Variants in EHBP1 observed in about 807,000 individuals in gnomAD.
EHBP1 encodes EH domain-binding protein 1.
Under a neutral mutation model 144.0 loss-of-function variants are expected in EHBP1, and 55 were observed. That is an observed-to-expected ratio of 0.38 (90% confidence interval 0.31 to 0.48). The LOEUF is 0.48. EHBP1 is among the 20% of genes least tolerant of loss of function. EHBP1 has a pLI of 0.98. For missense variants in EHBP1, 1,200 were observed against 1,364.2 expected, an observed-to-expected ratio of 0.88 and a Z score of 1.90; for synonymous variants, 469 against 472.7, an observed-to-expected ratio of 0.99 and a Z score of 0.10.
Position 62,858,531 on chromosome 2 carries a change from T to C in EHBP1, c.635-638T>C, listed in dbSNP as rs374548367. The C allele has an allele frequency of 6.0e-6, 9 of 1,508,782 alleles. No individual in the cohort carries two copies. In the South Asian group the frequency reaches 1.0e-4, roughly 17 times the overall value. 93.5% of individuals were successfully genotyped at this position (1,508,782 alleles called of 1,614,324 possible). A position where few individuals can be genotyped will look rare whatever the true frequency, so the allele number is the denominator to read the frequency against. On this transcript the variant is annotated intron_variant, in intron 7 of 22. Transcript: ENST00000431489. ...TGAAGGTCTAAGAGCTTTCCTCCTT[T>C]CTTTCTGCTTCTGATTGCCTGTATT...
intron 9 of EHBP1, among the ~76,000 whole-genome samples, chr2:62,865,536 T>A (rs973833155): frequency 1.3e-4 from 20 of 152,210 alleles, no homozygotes; most frequent in African/African-American, 4.8e-4. Flanking sequence ...GTTATACAGT[T>A]CATAGCCCAT....
chr2:62,942,969 T>C, intron 11 of EHBP1, 73 bp downstream of exon 11: 1 of 1,092,032 alleles, frequency 9.2e-7, no homozygotes. Flanking sequence ...TAAAATAATT[T>C]CTTAGCACAT....
intron 19 of EHBP1, among the ~76,000 whole-genome samples, chr2:63,029,451 G>A (rs961779477): frequency 1.3e-5 from 2 of 149,054 alleles, no homozygotes; most frequent in Non-Finnish European, 1.5e-5. Flanking sequence ...TAGATTATGC[G>A]GCCTTTGAGG....
chr2:62,679,137 A>G (rs969839647), intron 1 of EHBP1, among the ~76,000 whole-genome samples: 3 of 152,214 alleles, frequency 2.0e-5, no homozygotes, highest in Non-Finnish European at 4.4e-5. Context: ...TCTAAAACAA[A>G]TAGTGTCTTT....
chr2:62,683,397 C>T (rs962801527), intron 1 of EHBP1, among the ~76,000 whole-genome samples: 3 of 152,092 alleles, frequency 2.0e-5, no homozygotes, highest in African/African-American at 7.2e-5. Context: ...GCGGTGTCTC[C>T]GCCTGTAATC....
intron 2 of EHBP1, among the ~76,000 whole-genome samples, chr2:62,738,031 T>C (rs191778660): frequency 6.6e-6 from 1 of 152,256 alleles, no homozygotes; most frequent in Non-Finnish European, 1.5e-5. Context: ...TCTCAAGTTG[T>C]TGGGATTATA....
chr2:62,949,488 C>T (rs118159251), intron 13 of EHBP1, among the ~76,000 whole-genome samples: 2 of 152,114 alleles, frequency 1.3e-5, no homozygotes, highest in East Asian at 1.9e-4. Context: ...AATTTCAACA[C>T]TGAAGGATAT....
intron 14 of EHBP1, among the ~76,000 whole-genome samples, chr2:62,956,724 C>G (rs541341029): frequency 6.7e-6 from 1 of 149,180 alleles, no homozygotes; most frequent in East Asian, 2.0e-4. Flanking sequence ...GCAAAACTTA[C>G]TGGCAAAAAA....
At chr2:62,821,696 C>A (rs2045993815) in intron 5 of EHBP1, among the ~76,000 whole-genome samples, 1 of 152,006 alleles carries the variant, frequency 6.6e-6, no homozygotes, top group Non-Finnish European at 1.5e-5. Flanking sequence ...GCAACAACAG[C>A]AACAACATCA....
intron 1 of EHBP1, among the ~76,000 whole-genome samples, chr2:62,693,663 T>C (rs2033985037): frequency 6.6e-6 from 1 of 152,186 alleles, no homozygotes; most frequent in African/African-American, 2.4e-5. Context: ...CTTTGAAATA[T>C]ACTATAAATT....
chr2:62,820,662 G>A (rs577628879), intron 5 of EHBP1, among the ~76,000 whole-genome samples: 1 of 143,250 alleles, frequency 7.0e-6, no homozygotes, highest in East Asian at 2.0e-4. Context: ...CATCTATATT[G>A]TTGCATACGT....
intron 10 of EHBP1, among the ~76,000 whole-genome samples, chr2:62,885,112 AC>A (rs1011767105): frequency 6.6e-6 from 1 of 152,206 alleles, no homozygotes; most frequent in Non-Finnish European, 1.5e-5. Flanking sequence ...CTCAATGACA[AC>A]TGACTGCGGA....
At chr2:62,727,156 C>T (rs773224630) in intron 2 of EHBP1, among the ~76,000 whole-genome samples, 10 of 152,166 alleles carry the variant, frequency 6.6e-5, no homozygotes, top group South Asian at 2.1e-4. Context: ...CCACTGCGCC[C>T]GGCCTACAAG....
intron 3 of EHBP1, among the ~76,000 whole-genome samples, chr2:62,759,293 T>A (rs1268324794): frequency 3.3e-5 from 5 of 152,210 alleles, no homozygotes; most frequent in African/African-American, 1.2e-4. Flanking sequence ...AGGAGCCAAA[T>A]GGCTGTATGT....
chr2:62,742,690 A>T (rs2038828845), intron 2 of EHBP1, among the ~76,000 whole-genome samples: 1 of 152,080 alleles, frequency 6.6e-6, no homozygotes, highest in Non-Finnish European at 1.5e-5. Context: ...TATTTAAAAA[A>T]TTTTGCTCAG....
At chr2:62,939,779 C>T (rs1028511998) in intron 10 of EHBP1, 1 of 159,758 alleles carries the variant, frequency 6.3e-6, no homozygotes, top group Non-Finnish European at 1.4e-5. Context: ...AAGGTAGAAA[C>T]ATGTCTGCGA....
chr2:62,719,503 G>C (rs2036005458), intron 2 of EHBP1, among the ~76,000 whole-genome samples: 1 of 152,142 alleles, frequency 6.6e-6, no homozygotes, highest in Non-Finnish European at 1.5e-5. Flanking sequence ...AACTCACAAG[G>C]GAGCAAGAGA....
At chr2:62,978,803 G>A (rs2058831235) in intron 14 of EHBP1, among the ~76,000 whole-genome samples, 1 of 152,086 alleles carries the variant, frequency 6.6e-6, no homozygotes, top group African/African-American at 2.4e-5. Flanking sequence ...CCACTGCTCT[G>A]TGCCTTTATT....
upstream of EHBP1, among the ~76,000 whole-genome samples, chr2:62,704,143 C>T (rs575581089): frequency 4.4e-4 from 67 of 152,324 alleles, no homozygotes; most frequent in Middle Eastern, 6.8e-3. Context: ...CATCAGAGAA[C>T]TCTTAATAGA....
Sources: gnomAD v4.1 joint callset for allele counts (sites outside exome capture counted in the v4.1 genomes callset) on GRCh38, gnomAD v4.1.1 for gene constraint, MANE v1.5 for transcripts, NCBI Gene and HGNC (gene_info 2026-07-23, HGNC 2026-07-21) for gene names.